KALRN: variants seen among roughly 807,000 people sequenced by gnomAD.
KALRN encodes kalirin RhoGEF kinase.
Under a neutral mutation model 353.7 loss-of-function variants are expected in KALRN, and 70 were observed. The ratio of observed to expected loss-of-function variants is 0.20; its 90% CI spans 0.16 to 0.24. The LOEUF is 0.24. Ranked by LOEUF, KALRN falls within the 10% of genes least tolerant of loss-of-function variation. KALRN has a pLI of 1.00. For missense variants in KALRN, 2,791 were observed against 3,756.7 expected (o/e 0.74, Z 6.72); for synonymous variants, 1,391 against 1,434.8 (o/e 0.97, Z 0.69).
chr3:124,484,166 T>G (rs1046949063), intron 28 of KALRN, among the ~76,000 whole-genome samples: 2 of 152,190 alleles, frequency 1.3e-5, no homozygotes, highest in African/African-American at 4.8e-5. Flanking sequence ...CCAGTCTAAT[T>G]TTAAATCTGC....
At chr3:124,274,500 C>T (rs1182680513) in intron 5 of KALRN, among the ~76,000 whole-genome samples, 1 of 152,244 alleles carries the variant, frequency 6.6e-6, no homozygotes, top group Non-Finnish European at 1.5e-5. Context: ...ATTTTTTAGC[C>T]TTGCCCAAAG....
intron 3 of KALRN, among the ~76,000 whole-genome samples, chr3:124,252,075 G>A (rs952548670): frequency 6.6e-6 from 1 of 152,138 alleles, no homozygotes; most frequent in African/African-American, 2.4e-5. Context: ...TTTGCTTCTG[G>A]CACACTTGAG....
intron 21 of KALRN, among the ~76,000 whole-genome samples, chr3:124,452,687 G>A (rs937041128): frequency 6.6e-6 from 1 of 152,114 alleles, no homozygotes; most frequent in Admixed American, 6.5e-5. Context: ...ATGGGGAAGG[G>A]CGTGTCTACA....
At chr3:124,080,627 T>C (rs1321685806) in intron 1 of KALRN, among the ~76,000 whole-genome samples, 2 of 152,218 alleles carry the variant, frequency 1.3e-5, no homozygotes, top group African/African-American at 4.8e-5. Flanking sequence ...CGATTATTTC[T>C]GGTGTTTAAA....
intron 36 of KALRN, among the ~76,000 whole-genome samples, chr3:124,634,447 G>A (rs1347948357): frequency 6.6e-6 from 1 of 152,214 alleles, no homozygotes; most frequent in Non-Finnish European, 1.5e-5. Flanking sequence ...TATTGTCAAA[G>A]GTGGGCAAAC....
At chr3:124,195,882 T>C (rs1454398877) in intron 1 of KALRN, among the ~76,000 whole-genome samples, 1 of 152,204 alleles carries the variant, frequency 6.6e-6, no homozygotes, top group Admixed American at 6.5e-5. Context: ...ATAATTGTTT[T>C]GGTTCTTGTC....
intron 30 of KALRN, among the ~76,000 whole-genome samples, chr3:124,491,119 C>G (rs1343957831): frequency 6.6e-6 from 1 of 152,194 alleles, no homozygotes; most frequent in Non-Finnish European, 1.5e-5. Flanking sequence ...CACCTTCCCT[C>G]CCTGGTACCT....
chr3:124,661,219 C>T (rs1248099241), intron 44 of KALRN, among the ~76,000 whole-genome samples: 3 of 152,142 alleles, frequency 2.0e-5, no homozygotes, highest in East Asian at 1.9e-4. Context: ...TCTTTTGGCT[C>T]CTGGTGACAC....
At chr3:124,047,491 C>CTTT (rs33947722) in intron 1 of KALRN, among the ~76,000 whole-genome samples, 2 of 108,516 alleles carry the variant, frequency 1.8e-5, no homozygotes, top group African/African-American at 6.2e-5. Context: ...TCATAGAACA[C>CTTT]TTTTTTTTTT....
intron 15 of KALRN, among the ~76,000 whole-genome samples, chr3:124,425,258 C>G (rs1180270700): frequency 6.6e-6 from 1 of 152,026 alleles, no homozygotes; most frequent in Non-Finnish European, 1.5e-5. Context: ...TTCAAAATAG[C>G]TAAATGAAAG....
chr3:124,582,306 C>T (rs918550893), intron 34 of KALRN, among the ~76,000 whole-genome samples: 1 of 152,126 alleles, frequency 6.6e-6, no homozygotes, highest in African/African-American at 2.4e-5. Flanking sequence ...CAAGCGTGAG[C>T]CACTGCGCCC....
rs143367041 is a variant in KALRN, at chr3:124,678,886, C to T, written c.7318-572C>T. Among the ~76,000 whole-genome samples, 5 of 152,298 alleles carry T rather than the reference C, an allele frequency of 3.3e-5. No homozygotes were observed. In the East Asian group the frequency reaches 7.7e-4, roughly 23 times the overall value. On this transcript the variant is annotated intron_variant, in intron 50 of 59. Coordinates refer to ENST00000682506, the MANE Select transcript of KALRN (RefSeq NM_001388419.1). ...TAAATAATCCATCTACTACTTTGAA[C>T]TCATGAATTCTAAGCTTGGCAGACT...
At chr3:124,348,994 C>T (rs1560638220) in intron 10 of KALRN, among the ~76,000 whole-genome samples, 3 of 152,152 alleles carry the variant, frequency 2.0e-5, no homozygotes, top group Admixed American at 6.5e-5. Context: ...GCAGGGATTA[C>T]AGGTGTGAGC....
chr3:124,713,832 C>G (rs780559232), intron 58 of KALRN, among the ~76,000 whole-genome samples: 1 of 152,176 alleles, frequency 6.6e-6, no homozygotes, highest in African/African-American at 2.4e-5. Flanking sequence ...TTGGCCTAGA[C>G]AGGAGACAGA....
chr3:124,571,977 T>C (rs1004115752), intron 34 of KALRN, among the ~76,000 whole-genome samples: 6 of 151,960 alleles, frequency 3.9e-5, no homozygotes, highest in African/African-American at 1.5e-4. Flanking sequence ...TATCTTCATT[T>C]TGAGGTCCAA....
intron 1 of KALRN, among the ~76,000 whole-genome samples, chr3:124,049,413 C>T (rs1040582291): frequency 7.9e-5 from 12 of 151,940 alleles, no homozygotes; most frequent in African/African-American, 2.4e-4. Context: ...TTTCCTCATT[C>T]GAAGAAAGAG....
chr3:124,404,085 C>T (rs150132586), intron 13 of KALRN, among the ~76,000 whole-genome samples: 4 of 145,156 alleles, frequency 2.8e-5, no homozygotes, highest in East Asian at 4.1e-4. Context: ...GGAGGGAGCT[C>T]ATCATCTCAC....
At chr3:124,581,411 G>A (rs1026047520) in intron 34 of KALRN, among the ~76,000 whole-genome samples, 6 of 142,766 alleles carry the variant, frequency 4.2e-5, no homozygotes, top group African/African-American at 1.5e-4. Context: ...AAAAAGTATC[G>A]GTGGAAACAT....
chr3:124,272,063 A>C (rs1463999841), intron 5 of KALRN, among the ~76,000 whole-genome samples: 2 of 152,184 alleles, frequency 1.3e-5, no homozygotes, highest in Admixed American at 1.3e-4. Flanking sequence ...TAAGGGTTGA[A>C]AAACTAACTA....
Sources: allele counts gnomAD v4.1 joint callset (sites outside exome capture counted in the v4.1 genomes callset), GRCh38; gene constraint gnomAD v4.1.1; transcripts MANE v1.5; gene names NCBI Gene and HGNC (gene_info 2026-07-23, HGNC 2026-07-21).